The following PHLPP1 variants were observed in gnomAD, a reference collection of about 807,000 sequenced individuals.
PHLPP1 encodes PH domain and leucine rich repeat protein phosphatase 1.
In PHLPP1, 42 loss-of-function variants were observed where a neutral mutation model predicts 117.2. That is an observed-to-expected ratio of 0.36 (90% CI 0.28 to 0.46). The LOEUF (loss-of-function observed/expected upper bound fraction) is 0.46. Among genes scored for constraint, PHLPP1 ranks in the 20% least tolerant of loss-of-function variants. The pLI is 1.00. For synonymous variants in PHLPP1, 1,042 were observed against 970.7 expected, an observed-to-expected ratio of 1.07 and a Z score of -1.37; for missense variants, 2,084 against 2,241.9, an observed-to-expected ratio of 0.93 and a Z score of 1.42.
At chr18:62,717,937 C>G (rs1310082032) in intron 1 of PHLPP1, among the ~76,000 whole-genome samples, 1 of 152,168 alleles carries the variant, frequency 6.6e-6, no homozygotes, top group Non-Finnish European at 1.5e-5. Context: ...TTTCTTCCAG[C>G]CTTTATGGTC....
chr18:62,731,098 A>C (rs1911212254), intron 1 of PHLPP1: 1 of 152,158 alleles, frequency 6.6e-6, no homozygotes, highest in African/African-American at 2.4e-5. Flanking sequence ...GGTTTGTGGC[A>C]ACCCTGTGTT....
intron 1 of PHLPP1, among the ~76,000 whole-genome samples, chr18:62,825,226 T>C (rs1273049929): frequency 6.6e-6 from 1 of 151,938 alleles, no homozygotes; most frequent in African/African-American, 2.4e-5. Flanking sequence ...CCCAAAGTGC[T>C]AGGATTACAG....
At chr18:62,936,377 A>G (rs190709532) in intron 10 of PHLPP1, among the ~76,000 whole-genome samples, 292 of 152,344 alleles carry the variant, frequency 1.9e-3, no homozygotes, top group Non-Finnish European at 2.7e-3. Context: ...AGTAGAGGGA[A>G]TCATGAAAAT....
At chr18:62,935,748 A>G (rs997399528) in intron 10 of PHLPP1, among the ~76,000 whole-genome samples, 8 of 152,200 alleles carry the variant, frequency 5.3e-5, no homozygotes, top group Non-Finnish European at 8.8e-5. Context: ...TCCTGCCTGT[A>G]ATCCCAGCAC....
At chr18:62,755,982 T>TC (rs35142218) in intron 1 of PHLPP1, among the ~76,000 whole-genome samples, 20,307 of 142,724 alleles carry the variant, frequency 0.14, 2,117 homozygotes, top group African/African-American at 0.3. Flanking sequence ...ATATTTTTGT[T>TC]CCCCCCCCCC....
chr18:62,913,254 A>C (rs139451057), intron 8 of PHLPP1, among the ~76,000 whole-genome samples: 2 of 152,280 alleles, frequency 1.3e-5, no homozygotes, highest in African/African-American at 4.8e-5. Flanking sequence ...TTACTAAAGA[A>C]TACTTTCAAT....
chr18:62,851,694 C>T (rs1437159182), intron 3 of PHLPP1, among the ~76,000 whole-genome samples: 2 of 152,060 alleles, frequency 1.3e-5, no homozygotes, highest in African/African-American at 4.8e-5. Context: ...CTCCTGACCT[C>T]ATGATCTGCC....
intron 1 of PHLPP1, among the ~76,000 whole-genome samples, chr18:62,730,539 C>T (rs1271460820): frequency 3.3e-5 from 5 of 152,002 alleles, no homozygotes; most frequent in East Asian, 1.9e-4. Context: ...AATCTGTTTT[C>T]GGCCAGGTGC....
intron 1 of PHLPP1, among the ~76,000 whole-genome samples, chr18:62,806,868 T>A (rs1384631912): frequency 1.3e-5 from 2 of 152,198 alleles, no homozygotes; most frequent in African/African-American, 4.8e-5. Context: ...AGCTCAGGAT[T>A]GTCTATAGGA....
intron 1 of PHLPP1, among the ~76,000 whole-genome samples, chr18:62,772,360 T>C (rs926216293): frequency 6.6e-6 from 1 of 152,144 alleles, no homozygotes; most frequent in African/African-American, 2.4e-5. Flanking sequence ...TTTTTAAGCA[T>C]AATTGGCAAT....
In PHLPP1 at chr18:62,731,558, G is replaced by A. The variant is rs117346249; in HGVS notation, c.1576+14299G>A. Among the ~76,000 whole-genome samples the A allele has an allele frequency of 5.9e-5, 9 of 152,218 alleles. No homozygotes were observed. The East Asian group carries it at 1.5e-3, about 26-fold the overall frequency. The stretch of plus-strand genomic sequence containing the variant: ...AACAGTATTGAAATTGGGCCAGTTA[G>A]TAACCCTATAAAGGCCTAAGTGTTC... On this transcript the variant is annotated intron_variant, in intron 1 of 16. Transcript: ENST00000262719.
chr18:62,882,711 T>C (rs1026277749), intron 4 of PHLPP1, among the ~76,000 whole-genome samples: 2 of 152,172 alleles, frequency 1.3e-5, no homozygotes, highest in African/African-American at 4.8e-5. Flanking sequence ...AGGTGTGCTC[T>C]TAAGAACAAC....
In PHLPP1 at chr18:62,770,733, A is replaced by AT. The variant is rs1057435354; in HGVS notation, c.1576+53481dup. ...AACCGGAAGTGTTTTGGATTTTGGA[A>AT]TTTTTTTGGGGGGGGTGGGGAATAT... On this transcript the variant is annotated intron_variant, in intron 1 of 16. Coordinates refer to ENST00000262719, the MANE Select transcript of PHLPP1 (RefSeq NM_194449.4). Among the ~76,000 whole-genome samples the AT allele has an allele frequency of 6.1e-4, 92 of 151,776 alleles. 1 individual carries two copies. In the South Asian group the frequency reaches 8.1e-3, roughly 13 times the overall value.
At chr18:62,737,513 C>T (rs150270188) in intron 1 of PHLPP1, among the ~76,000 whole-genome samples, 172 of 152,310 alleles carry the variant, frequency 1.1e-3, no homozygotes, top group African/African-American at 4.0e-3. Flanking sequence ...CTTTGATAAA[C>T]ATGTTTTGAC....
In PHLPP1 at chr18:62,965,452, CTTTTTTTTTT is replaced by C. The variant is rs34187461; in HGVS notation, c.3560+1995_3560+2004del. Among the ~76,000 whole-genome samples the C allele has an allele frequency of 3.9e-5, 3 of 76,144 alleles. No individual in the cohort carries two copies. In the East Asian group the frequency reaches 1.3e-3, roughly 32 times the overall value. The allele number at this position is 76,144 out of a possible 152,430, so 50.0% of individuals were successfully genotyped here. A position where few individuals can be genotyped will look rare whatever the true frequency, so the allele number is the denominator to read the frequency against. On this transcript the variant is annotated intron_variant, in intron 14 of 16. Transcript: ENST00000262719. The stretch of plus-strand genomic sequence containing the variant: ...GGAGCTACAGTTGGATAATCAGCCT[CTTTTTTTTTT>C]TTTTTTTTTTTTTTGAGATGGAGTT...
intron 1 of PHLPP1, among the ~76,000 whole-genome samples, chr18:62,761,330 T>G (rs1360397001): frequency 6.6e-6 from 1 of 152,032 alleles, no homozygotes; most frequent in African/African-American, 2.4e-5. Flanking sequence ...AAGAATATGG[T>G]TTATTAAGAA....
At chr18:62,916,295 T>C (rs1193367572) in intron 9 of PHLPP1, among the ~76,000 whole-genome samples, 2 of 151,810 alleles carry the variant, frequency 1.3e-5, no homozygotes, top group Non-Finnish European at 2.9e-5. Context: ...GGGTATATTC[T>C]GGGTTAAATG....
At chr18:62,894,440 A>G (rs1916503374) in intron 4 of PHLPP1, among the ~76,000 whole-genome samples, 3 of 151,936 alleles carry the variant, frequency 2.0e-5, no homozygotes, top group Admixed American at 1.3e-4. Context: ...CAAGTGATCC[A>G]CTCATCTCGG....
At chr18:62,926,995 G>C (rs1050978164) in intron 10 of PHLPP1, among the ~76,000 whole-genome samples, 2 of 152,180 alleles carry the variant, frequency 1.3e-5, no homozygotes, top group African/African-American at 4.8e-5. Flanking sequence ...TGGGGCTTTA[G>C]GTGGGTCTAC....
Sources: allele counts gnomAD v4.1 joint callset (sites outside exome capture counted in the v4.1 genomes callset), GRCh38; gene constraint gnomAD v4.1.1; transcripts MANE v1.5; gene names NCBI Gene and HGNC (gene_info 2026-07-23, HGNC 2026-07-21).